NLRP12: variants seen among roughly 807,000 people sequenced by gnomAD.
The protein encoded by NLRP12 is NACHT, LRR and PYD domains-containing protein 12.
In NLRP12, 108 loss-of-function variants were observed where a neutral mutation model predicts 91.2. That is an observed-to-expected ratio of 1.18 (90% CI 1.01 to 1.39). The LOEUF (loss-of-function observed/expected upper bound fraction) is 1.39, where lower values mean the gene tolerates loss of function less well. NLRP12 is among the 40% of genes most tolerant of loss of function. The pLI is 0.00. For synonymous variants in NLRP12, 613 were observed against 566.7 expected, an observed-to-expected ratio of 1.08 and a Z score of -1.16; for missense variants, 1,530 against 1,352.7, an observed-to-expected ratio of 1.13 and a Z score of -2.06.
intron 8 of NLRP12, among the ~76,000 whole-genome samples, chr19:53,796,322 G>A (rs1271801497): frequency 6.6e-6 from 1 of 152,038 alleles, no homozygotes; most frequent in Non-Finnish European, 1.5e-5. Context: ...CATGATCTCG[G>A]CTCACTGCAA....
At chr19:53,813,183 CAATGTCTATTTCCAG>C (rs1484559931) in intron 2 of NLRP12, among the ~76,000 whole-genome samples, 2 of 151,344 alleles carry the variant, frequency 1.3e-5, no homozygotes, top group African/African-American at 4.9e-5. Flanking sequence ...GCCTGGCCGC[CAATGTCTATTTCCAG>C]AATGCTTTCA....
intron 3 of NLRP12, 89 bp from the exon 4 acceptor site, chr19:53,807,754 T>C: frequency 1.4e-6 from 2 of 1,475,956 alleles, no homozygotes; most frequent in South Asian, 1.1e-5. Flanking sequence ...TTATGAAGCA[T>C]GCTATCCTTT....
intron 9 of NLRP12, among the ~76,000 whole-genome samples, chr19:53,794,673 TTTTC>T (rs1218950482): frequency 6.7e-6 from 1 of 148,174 alleles, no homozygotes; most frequent in Non-Finnish European, 1.5e-5. Flanking sequence ...TCCATTTTTT[TTTTC>T]TTTCCCCAAG....
chr19:53,810,028 A>G lies in NLRP12; in HGVS notation c.1631T>C (p.Leu544Pro). 6.2e-7 allele frequency: 1 copy of G among 1,614,122 alleles called. No homozygotes were observed. Among genetic ancestry groups the G allele is most frequent in the Non-Finnish European group, 8.5e-7 (1 of 1,180,010 alleles). ...TTCAGAAAACGCGTACTCGGTCAAC[A>G]GCCTGGTCACGTCCTGGTCTGGGCC... ...GAGPDQDVTR[L>P]LTEYAFSERS... Residue 544 changes from leucine (L) to proline (P), a missense_variant, in exon 3 of 10, where the codon CTG becomes CCG. Physicochemically the swap from Leu to Pro is moderately conservative, Grantham distance 98 (BLOSUM62 -3). Transcript: ENST00000324134.
At chr19:53,808,503 G>GT (rs1441132291) in intron 3 of NLRP12, 2 of 151,834 alleles carry the variant, frequency 1.3e-5, no homozygotes, top group Non-Finnish European at 2.9e-5. Flanking sequence ...GAGGCCGAGA[G>GT]TTTGAGACCA....
chr19:53,815,490 G>A (rs1262384569), intron 1 of NLRP12, among the ~76,000 whole-genome samples: 4 of 152,036 alleles, frequency 2.6e-5, no homozygotes, highest in Admixed American at 1.3e-4. Flanking sequence ...GCCTCCCAAA[G>A]TGCTGGGTTT....
At position 53,804,065 on chromosome 19, in the gene NLRP12, G is replaced by A. The variant is rs766519599; in HGVS notation, c.2472C>T (p.Gly824=). 2.0e-5 allele frequency: 32 copies of A among 1,613,880 alleles called. No homozygotes were observed. Among genetic ancestry groups the A allele is most frequent in the Non-Finnish European group, 2.5e-5 (29 of 1,179,982 alleles). The change falls in exon 6 of 10, where the codon GGC becomes GGT. Residue 824 remains glycine, a synonymous_variant. Coordinates refer to ENST00000324134, the MANE Select transcript of NLRP12 (RefSeq NM_144687.4). The stretch of plus-strand genomic sequence containing the variant: ...CCAACTCAACCAGATGTGGGTTGGT[G>A]CCGAGCACAGAAGCCATCTCCTGAC... ...GACQEMASVL[G]TNPHLVELDL...
chr19:53,794,495 AT>A (rs1309894669), intron 9 of NLRP12, among the ~76,000 whole-genome samples: 1 of 115,866 alleles, frequency 8.6e-6, no homozygotes, highest in Non-Finnish European at 1.8e-5. Context: ...AATTTTTTGT[AT>A]TTTTAGTAGA....
At position 53,824,129 on chromosome 19, in the gene NLRP12, A is replaced by G. The variant is rs1172374320; in HGVS notation, c.46T>C (p.Tyr16His). Reference sequence around the variant, plus strand: ...TCCACAGCCTCGAGTTCTTCCAAGTAGGTGGACAGGCGACAGAGGCCGTCC... The same window carrying G: ...TCCACAGCCTCGAGTTCTTCCAAGTGGGTGGACAGGCGACAGAGGCCGTCC... ...GRDGLCRLST[Y>H]LEELEAVELK... Residue 16 changes from tyrosine (Y) to histidine (H), a missense_variant, in exon 1 of 10, where the codon TAC becomes CAC. Tyr to His is a moderately conservative substitution (Grantham distance 83). Transcript: ENST00000324134. 3 of 1,614,072 alleles carry G rather than the reference A, an allele frequency of 1.9e-6. No individual in the cohort carries two copies. Among genetic ancestry groups the G allele is most frequent in the Non-Finnish European group, 2.5e-6 (3 of 1,180,014 alleles).
intron 1 of NLRP12, among the ~76,000 whole-genome samples, chr19:53,823,469 A>ATATTAAATATATAT (rs1555800018): frequency 2.9e-4 from 31 of 106,616 alleles, no homozygotes; most frequent in Non-Finnish European, 4.4e-4. Context: ...TTAAATATAT[A>ATATTAAATATATAT]TTTAAAATAT....
intron 1 of NLRP12, among the ~76,000 whole-genome samples, chr19:53,822,210 C>T (rs2092271780): frequency 6.6e-6 from 1 of 152,190 alleles, no homozygotes; most frequent in South Asian, 2.1e-4. Flanking sequence ...ATGTAACAAA[C>T]CTGCACATGT....
At chr19:53,817,597 G>A (rs893227273) in intron 1 of NLRP12, among the ~76,000 whole-genome samples, 6 of 147,418 alleles carry the variant, frequency 4.1e-5, no homozygotes, top group African/African-American at 7.5e-5. Context: ...TTAGCTGGGC[G>A]TGGTGGCAGA....
Position 53,810,974 on chromosome 19 carries a change from T to A in NLRP12, c.685A>T (p.Lys229Ter). 6.2e-7 allele frequency: 1 copy of A among 1,614,160 alleles called. No homozygotes were observed. The highest frequency in any genetic ancestry group is 8.5e-7 in the Non-Finnish European group (1 of 1,180,030). ...AGIGKSMLAH[K>*]VMLDWADGKL... The stretch of plus-strand genomic sequence containing the variant: ...CCGTCCGCCCAGTCCAGCATCACCT[T>A]GTGTGCCAGCATGGACTTGCCTATC... Residue 229 changes from lysine (K) to a stop codon, truncating the protein, a stop_gained, in exon 3 of 10, where the codon AAG (lysine) becomes TAG (stop). Coordinates refer to ENST00000324134, the MANE Select transcript of NLRP12 (RefSeq NM_144687.4). LOFTEE classifies it high-confidence loss of function.
chr19:53,799,031 G>A (rs1428634387), intron 7 of NLRP12, among the ~76,000 whole-genome samples: 1 of 41,780 alleles, frequency 2.4e-5, no homozygotes, highest in East Asian at 6.2e-4. Context: ...TTTTTTTTTT[G>A]AGACAGAGTC....
intron 3 of NLRP12, chr19:53,808,671 GT>G: frequency 6.6e-6 from 1 of 152,278 alleles, no homozygotes; most frequent in South Asian, 2.1e-4. Context: ...TCCAGCCTTG[GT>G]GACAGAGCCA....
chr19:53,796,907 G>A (rs1368647789), intron 8 of NLRP12, among the ~76,000 whole-genome samples: 1 of 33,986 alleles, frequency 2.9e-5, no homozygotes, highest in African/African-American at 1.4e-4. Context: ...GGCAGGAATT[G>A]CTTGAACCCG....
At chr19:53,807,415 G>GTGAT in intron 4 of NLRP12, 80 bp downstream of exon 4, 1 of 1,405,154 alleles carries the variant, frequency 7.1e-7, no homozygotes. Flanking sequence ...ACACCATCCC[G>GTGAT]TGATAGAACC....
chr19:53,812,072 A>T (rs1236366388), intron 2 of NLRP12, among the ~76,000 whole-genome samples: 1 of 151,782 alleles, frequency 6.6e-6, no homozygotes, highest in East Asian at 1.9e-4. Flanking sequence ...CCCTGTCTCT[A>T]TAAAAACAAA....
chr19:53,811,043 G>C lies in NLRP12; in HGVS notation c.616C>G (p.Arg206Gly), dbSNP rs111754022. Reference protein sequence around the residue: ...IETLFEPDEERPEPPRTVVMQ... With the variant: ...IETLFEPDEEGPEPPRTVVMQ... ...ACCACGGTGCGCGGTGGCTCGGGGC[G>C]CTCCTCGTCTGGCTCAAAGAGGGTC... The change falls in exon 3 of 10, where the codon CGC becomes GGC. Residue 206 changes from arginine (R) to glycine (G), a missense_variant. Transcript: ENST00000324134. 5.0e-6 allele frequency: 8 copies of C among 1,612,576 alleles called. No individual in the cohort carries two copies. The South Asian group carries it at 6.6e-5, about 13-fold the overall frequency.
Sources: gnomAD v4.1 joint callset for allele counts (sites outside exome capture counted in the v4.1 genomes callset) on GRCh38, gnomAD v4.1.1 for gene constraint, MANE v1.5 for transcripts, NCBI Gene and HGNC (gene_info 2026-07-23, HGNC 2026-07-21) for gene names.